DUSP10: variants seen among roughly 807,000 people sequenced by gnomAD.
The protein encoded by DUSP10 is dual specificity phosphatase 10, also known as dual specificity protein phosphatase 10.
Under a neutral mutation model 30.8 loss-of-function variants are expected in DUSP10, and 14 were observed. The observed-to-expected ratio is 0.46, with a 90% CI of 0.30 to 0.71. The LOEUF (loss-of-function observed/expected upper bound fraction) is 0.71. Among genes scored for constraint, DUSP10 ranks in the 30% least tolerant of loss-of-function variants. The pLI, the probability that DUSP10 is intolerant of heterozygous loss-of-function variation, is 0.08. For synonymous variants in DUSP10, 254 were observed against 250.4 expected (o/e 1.01, Z -0.14); for missense variants, 550 against 619.4 (o/e 0.89, Z 1.19).
At chr1:221,714,693 A>G (rs926505437) in intron 2 of DUSP10, among the ~76,000 whole-genome samples, 2 of 151,874 alleles carry the variant, frequency 1.3e-5, no homozygotes, top group African/African-American at 4.8e-5. Context: ...CTGGGAAGTC[A>G]CCTCTCTCTC....
At position 221,706,033 on chromosome 1, in the gene DUSP10, A is replaced by G; in HGVS notation, c.1183+62T>C. ...AGGAATAAACCTTGAACTTGATATC[A>G]AAGCAAGAGCTGGAGGGAAAAGGAA... is the stretch of plus-strand genomic sequence containing the variant. On this transcript the variant is annotated intron_variant, in intron 3 of 3. Coordinates refer to ENST00000366899, the MANE Select transcript of DUSP10 (RefSeq NM_007207.6). This position sits in a 1 kb window ranked among gnomAD's most constrained non-coding sequence, Gnocchi z 4.6. The G allele has an allele frequency of 6.4e-7, 1 of 1,556,224 alleles. No homozygotes were observed. Among genetic ancestry groups the G allele is most frequent in the Admixed American group, 1.9e-5 (1 of 52,614 alleles).
intron 2 of DUSP10, among the ~76,000 whole-genome samples, chr1:221,712,056 T>A (rs1360455085): frequency 6.6e-6 from 1 of 152,210 alleles, no homozygotes; most frequent in African/African-American, 2.4e-5. Flanking sequence ...ACCAGCTCGA[T>A]CCACAAAGAT....
intron 2 of DUSP10, among the ~76,000 whole-genome samples, chr1:221,735,199 G>C (rs1661729130): frequency 6.6e-6 from 1 of 152,202 alleles, no homozygotes; most frequent in Non-Finnish European, 1.5e-5. Context: ...CTTTGGTACA[G>C]AGCAGTCCTA....
chr1:221,723,012 C>T lies in DUSP10; in HGVS notation c.811+15922G>A, dbSNP rs55916122. On this transcript the variant is annotated intron_variant, in intron 2 of 3. Coordinates refer to ENST00000366899, the MANE Select transcript of DUSP10 (RefSeq NM_007207.6). ...ATGATTAAAAAACACAACAAAAAAT[C>T]GAAATACTCCTTACCCATAGTATCA... 6.5e-3 allele frequency among the ~76,000 whole-genome samples: 989 copies of T among 152,262 alleles called. 7 individuals are homozygous for T. Among genetic ancestry groups the T allele is most frequent in the African/African-American group, 0.022 (931 of 41,542 alleles).
chr1:221,714,290 A>C (rs1364350188), intron 2 of DUSP10, among the ~76,000 whole-genome samples: 1 of 152,208 alleles, frequency 6.6e-6, no homozygotes, highest in Non-Finnish European at 1.5e-5. Context: ...GTCCTCCGTA[A>C]CGTTTTCCTT....
At chr1:221,735,247 C>A (rs964270851) in intron 2 of DUSP10, among the ~76,000 whole-genome samples, 3 of 152,164 alleles carry the variant, frequency 2.0e-5, no homozygotes, top group Non-Finnish European at 4.4e-5. Flanking sequence ...TGTTTTACAA[C>A]AGCATAGAGC....
intron 2 of DUSP10, among the ~76,000 whole-genome samples, chr1:221,728,334 G>A (rs896837810): frequency 6.6e-6 from 1 of 152,220 alleles, no homozygotes; most frequent in Non-Finnish European, 1.5e-5. Flanking sequence ...GTGTGAAGCT[G>A]GGTGCTCTGT....
At chr1:221,726,906 G>A (rs115464685) in intron 2 of DUSP10, among the ~76,000 whole-genome samples, 2,057 of 152,136 alleles carry the variant, frequency 0.014, 43 homozygotes, top group African/African-American at 0.047. Flanking sequence ...AATTATTATT[G>A]TAGAGATTCA....
At chr1:221,711,841 T>C (rs1406756481) in intron 2 of DUSP10, 2 of 152,226 alleles carry the variant, frequency 1.3e-5, no homozygotes, top group Non-Finnish European at 1.5e-5. Context: ...TGCTATGATA[T>C]ACTCCATGGA....
intron 2 of DUSP10, chr1:221,737,040 A>C (rs1197334390): frequency 5.1e-6 from 5 of 985,336 alleles, no homozygotes; most frequent in Non-Finnish European, 6.0e-6. Flanking sequence ...ATCCACAGGA[A>C]AGGGAGAGAG....
At chr1:221,727,938 A>G (rs1661471203) in intron 2 of DUSP10, among the ~76,000 whole-genome samples, 1 of 152,156 alleles carries the variant, frequency 6.6e-6, no homozygotes, top group Non-Finnish European at 1.5e-5. Context: ...TTGTCACTGT[A>G]GCAGTATTAA....
Position 221,739,055 on chromosome 1 carries a change from G to A in DUSP10, c.690C>T (p.Ser230=), listed in dbSNP as rs1456274271. ...TCTCATCATAAACTATAATTTCTTTGGAAAAGATCCTCTTGAAAGAGTCCT... is the reference window on the plus strand; with the variant it reads ...TCTCATCATAAACTATAATTTCTTTAGAAAAGATCCTCTTGAAAGAGTCCT... ...EGKDSFKRIF[S]KEIIVYDENT... Residue 230 remains serine, a synonymous_variant, in exon 2 of 4, where the codon TCC becomes TCT. Coordinates refer to ENST00000366899, the MANE Select transcript of DUSP10 (RefSeq NM_007207.6). The A allele has an allele frequency of 1.2e-6, 2 of 1,614,144 alleles. No homozygotes were observed. The highest frequency in any genetic ancestry group is 1.7e-6 in the Non-Finnish European group (2 of 1,180,028).
Position 221,706,189 on chromosome 1 carries a change from A to G in DUSP10, c.1089T>C (p.Tyr363=). The G allele has an allele frequency of 2.5e-6, 4 of 1,614,072 alleles. No homozygotes were observed. The highest frequency in any genetic ancestry group is 3.4e-6 in the Non-Finnish European group (4 of 1,180,008). ...GCTTGTAGTTGAACAGGCCTTTCTCATAGTGGTAGAGGGGAAGATGAGTGG... is the reference window on the plus strand; with the variant it reads ...GCTTGTAGTTGAACAGGCCTTTCTCGTAGTGGTAGAGGGGAAGATGAGTGG... ...NVTTHLPLYH[Y]EKGLFNYKRL... The change falls in exon 3 of 4, where the codon TAT becomes TAC. Residue 363 remains tyrosine (Y), a synonymous_variant. Coordinates refer to ENST00000366899, the MANE Select transcript of DUSP10 (RefSeq NM_007207.6). The surrounding 1 kb of genome is among the most constrained non-coding windows in gnomAD (Gnocchi z 4.6).
At chr1:221,719,878 C>T (rs975408306) in intron 2 of DUSP10, among the ~76,000 whole-genome samples, 1 of 152,108 alleles carries the variant, frequency 6.6e-6, no homozygotes, top group African/African-American at 2.4e-5. Flanking sequence ...AAGTTTCTCC[C>T]AACTCTGGTG....
At chr1:221,715,143 G>A (rs1326673090) in intron 2 of DUSP10, among the ~76,000 whole-genome samples, 4 of 151,950 alleles carry the variant, frequency 2.6e-5, no homozygotes, top group Admixed American at 1.3e-4. Flanking sequence ...TAAAACCTTT[G>A]CCATGCCCTC....
At chr1:221,705,985 G>C in intron 3 of DUSP10, 110 bp downstream of exon 3, 2 of 1,467,786 alleles carry the variant, frequency 1.4e-6, no homozygotes, top group Non-Finnish European at 9.1e-7. Context: ...CAAAACTCCA[G>C]GGCAGCTTTT....
At chr1:221,714,015 T>C (rs947350479) in intron 2 of DUSP10, among the ~76,000 whole-genome samples, 1 of 152,212 alleles carries the variant, frequency 6.6e-6, no homozygotes, top group Non-Finnish European at 1.5e-5. Context: ...AAGTTGTTCA[T>C]TTTTATTTAG....
chr1:221,720,883 G>A (rs956657917), intron 2 of DUSP10, among the ~76,000 whole-genome samples: 5 of 151,986 alleles, frequency 3.3e-5, no homozygotes, highest in African/African-American at 7.3e-5. Context: ...AACACTTATC[G>A]CTATCTGAAG....
Position 221,739,159 on chromosome 1 carries a change from A to C in DUSP10, c.586T>G (p.Cys196Gly), listed in dbSNP as rs777347748. ...SHIQGAVHIN[C>G]ADKISRRRLQ... is the part of the protein sequence containing the mutation. ...CTCCGCCGGCTGATCTTATCGGCAC[A>C]GTTAATGTGGACAGCTCCTTGGATG... Residue 196 changes from cysteine (C) to glycine (G), a missense_variant, in exon 2 of 4, where the codon TGT becomes GGT. Transcript: ENST00000366899. 6.2e-7 allele frequency: 1 copy of C among 1,614,222 alleles called. No individual in the cohort carries two copies. The highest frequency in any genetic ancestry group is 8.5e-7 in the Non-Finnish European group (1 of 1,180,038).
Sources: gnomAD v4.1 joint callset for allele counts (sites outside exome capture counted in the v4.1 genomes callset) on GRCh38, gnomAD v4.1.1 for gene constraint, Gnocchi (gnomAD v3.1) non-coding constraint, MANE v1.5 for transcripts, NCBI Gene and HGNC (gene_info 2026-07-23, HGNC 2026-07-21) for gene names.